Variants in CALN1 observed in about 807,000 individuals in gnomAD.
CALN1 encodes calneuron 1.
CALN1 carries 17 observed loss-of-function variants against 30.6 expected under a neutral mutation model. The observed-to-expected ratio is 0.56, with a 90% CI of 0.38 to 0.83. The LOEUF (loss-of-function observed/expected upper bound fraction) is 0.83, where lower values mean the gene tolerates loss of function less well. Among genes scored for constraint, CALN1 ranks in the 40% least tolerant of loss-of-function variants. The pLI is 0.00. For synonymous variants in CALN1, 156 were observed against 131.4 expected (o/e 1.19, Z -1.28); for missense variants, 291 against 354.9 (o/e 0.82, Z 1.45).
chr7:72,289,964 G>A (rs1798361023), intron 2 of CALN1, among the ~76,000 whole-genome samples: 1 of 151,346 alleles, frequency 6.6e-6, no homozygotes, highest in African/African-American at 2.4e-5. Flanking sequence ...TGTAGTCTTA[G>A]CTACTCAGGA....
chr7:71,779,708 T>TTATA lies in CALN1; in HGVS notation c.*8063_*8066dup, dbSNP rs1253762415. On this transcript the variant is annotated 3_prime_UTR_variant, in exon 7 of 7. Coordinates refer to ENST00000395275, the MANE Select transcript of CALN1 (RefSeq NM_031468.4). ...GTTAATTTATATTAATATGTACATT[T>TTATA]TATATAAAGATTCTTTTTTGACTAG... 1 of 152,182 alleles carries TTATA rather than the reference T, an allele frequency of 6.6e-6. No homozygotes were observed. Among genetic ancestry groups the TTATA allele is most frequent in the Non-Finnish European group, 1.5e-5 (1 of 68,040 alleles). The allele number at this position is 152,182 out of a possible 1,614,324, so 9.4% of individuals were successfully genotyped here. A position where few individuals can be genotyped will look rare whatever the true frequency, so the allele number is the denominator to read the frequency against.
chr7:72,051,717 A>C (rs908709412), intron 4 of CALN1, among the ~76,000 whole-genome samples: 1 of 152,248 alleles, frequency 6.6e-6, no homozygotes, highest in African/African-American at 2.4e-5. Flanking sequence ...AGCCAAGTAC[A>C]GATCATTCCA....
chr7:72,230,280 A>G lies in CALN1; in HGVS notation c.244+48406T>C. ...CCCAGAACTTAAAGTAAAATTTTAA[A>G]AATATTTTAAAAACAGATCAGCCTG... On this transcript the variant is annotated intron_variant, in intron 3 of 6. Coordinates refer to ENST00000395275, the MANE Select transcript of CALN1 (RefSeq NM_031468.4). Among the ~76,000 whole-genome samples the G allele has an allele frequency of 1.3e-5, 2 of 151,706 alleles. 1 individual carries two copies. The highest frequency in any genetic ancestry group is 6.3e-3 in the Middle Eastern group (2 of 316).
At chr7:72,337,052 C>A (rs1459304495) in intron 2 of CALN1, 1 of 985,616 alleles carries the variant, frequency 1.0e-6, no homozygotes. Context: ...CGCTCCTCTA[C>A]CCCTCCCGCT....
chr7:71,800,678 G>A (rs913209519), intron 6 of CALN1, among the ~76,000 whole-genome samples: 1 of 152,186 alleles, frequency 6.6e-6, no homozygotes, highest in African/African-American at 2.4e-5. Context: ...ATGAAGCACC[G>A]TTTCGTATGA....
At chr7:72,330,289 T>C (rs1289969134) in intron 2 of CALN1, among the ~76,000 whole-genome samples, 1 of 151,734 alleles carries the variant, frequency 6.6e-6, no homozygotes, top group Non-Finnish European at 1.5e-5. Context: ...TGAGACTCCA[T>C]CTCAAAAAAT....
chr7:72,288,831 C>A (rs539923539), intron 2 of CALN1, among the ~76,000 whole-genome samples: 4 of 152,250 alleles, frequency 2.6e-5, no homozygotes, highest in African/African-American at 7.2e-5. Context: ...TTATTTTTAA[C>A]CCCTTTTCCC....
intron 2 of CALN1, among the ~76,000 whole-genome samples, chr7:72,289,762 C>A (rs183436445): frequency 6.6e-6 from 1 of 152,056 alleles, no homozygotes; most frequent in African/African-American, 2.4e-5. Context: ...TGATTTTTCA[C>A]TTATTTCATT....
chr7:72,085,202 T>C (rs1584910900), intron 4 of CALN1, among the ~76,000 whole-genome samples: 1 of 152,130 alleles, frequency 6.6e-6, no homozygotes, highest in Non-Finnish European at 1.5e-5. Flanking sequence ...AAGAAGAACA[T>C]GGCAGCTCAA....
At chr7:72,430,039 T>C (rs1807923555) in intron 1 of CALN1, among the ~76,000 whole-genome samples, 1 of 151,106 alleles carries the variant, frequency 6.6e-6, no homozygotes, top group Non-Finnish European at 1.5e-5. Context: ...CAGGCTGGTC[T>C]CAAACTCCTG....
chr7:71,855,949 ATAT>A (rs1350096909), intron 5 of CALN1, among the ~76,000 whole-genome samples: 1 of 152,038 alleles, frequency 6.6e-6, no homozygotes, highest in African/African-American at 2.4e-5. Context: ...TTTTCAACTG[ATAT>A]TATGTCTGTG....
At chr7:72,301,460 T>C (rs1799255113) in intron 2 of CALN1, among the ~76,000 whole-genome samples, 1 of 151,670 alleles carries the variant, frequency 6.6e-6, no homozygotes, top group Admixed American at 6.6e-5. Context: ...ATACAAAAAT[T>C]AGCCTGGCTT....
intron 1 of CALN1, among the ~76,000 whole-genome samples, chr7:72,421,257 T>C (rs934628355): frequency 1.3e-5 from 2 of 152,088 alleles, no homozygotes; most frequent in African/African-American, 2.4e-5. Context: ...TATCCATCAC[T>C]CCACTCCCAA....
At chr7:72,107,109 T>C (rs916639832) in intron 3 of CALN1, among the ~76,000 whole-genome samples, 9 of 151,946 alleles carry the variant, frequency 5.9e-5, no homozygotes, top group Admixed American at 5.9e-4. Flanking sequence ...GGCACACAAT[T>C]AGATGGTGGT....
intron 5 of CALN1, among the ~76,000 whole-genome samples, chr7:71,845,678 C>A (rs1293760513): frequency 6.6e-6 from 1 of 152,160 alleles, no homozygotes; most frequent in African/African-American, 2.4e-5. Flanking sequence ...TCCAGAGACT[C>A]TGGGGTGGCA....
chr7:71,958,698 T>C (rs1454360243), intron 5 of CALN1, among the ~76,000 whole-genome samples: 1 of 152,254 alleles, frequency 6.6e-6, no homozygotes, highest in Non-Finnish European at 1.5e-5. Context: ...CCGGACAACT[T>C]GCGTTGCCAT....
intron 4 of CALN1, among the ~76,000 whole-genome samples, chr7:72,081,919 A>G (rs1236127011): frequency 6.6e-6 from 1 of 152,192 alleles, no homozygotes; most frequent in Non-Finnish European, 1.5e-5. Flanking sequence ...CTAGCAGAGA[A>G]GAGGCTCCCA....
intron 3 of CALN1, among the ~76,000 whole-genome samples, chr7:72,119,680 T>C (rs939868689): frequency 1.3e-5 from 2 of 152,092 alleles, no homozygotes; most frequent in Non-Finnish European, 2.9e-5. Flanking sequence ...TGGTGGAAGG[T>C]GAAAGGCATG....
At chr7:72,136,049 G>C (rs369105720) in intron 3 of CALN1, among the ~76,000 whole-genome samples, 1 of 151,872 alleles carries the variant, frequency 6.6e-6, no homozygotes, top group African/African-American at 2.4e-5. Flanking sequence ...AGGGAGAATT[G>C]CTTGAATCCA....
Sources: allele counts gnomAD v4.1 joint callset (sites outside exome capture counted in the v4.1 genomes callset), GRCh38; gene constraint gnomAD v4.1.1; transcripts MANE v1.5; gene names NCBI Gene and HGNC (gene_info 2026-07-23, HGNC 2026-07-21).